TOX: variants seen among roughly 807,000 people sequenced by gnomAD.
The protein encoded by TOX is thymocyte selection-associated high mobility group box protein TOX.
Under a neutral mutation model 53.7 loss-of-function variants are expected in TOX, and 11 were observed. The ratio of observed to expected loss-of-function variants is 0.20; its 90% CI spans 0.13 to 0.34. The LOEUF is 0.34. Ranked by LOEUF, TOX falls within the 10% of genes least tolerant of loss-of-function variation. TOX has a pLI of 1.00. For missense variants in TOX, 570 were observed against 664.6 expected, an observed-to-expected ratio of 0.86 and a Z score of 1.56; for synonymous variants, 225 against 245.3, an observed-to-expected ratio of 0.92 and a Z score of 0.77.
chr8:59,038,336 T>C (rs1563426223), intron 1 of TOX, among the ~76,000 whole-genome samples: 1 of 152,214 alleles, frequency 6.6e-6, no homozygotes, highest in Non-Finnish European at 1.5e-5. Context: ...TATACAAGAC[T>C]AGTAAGGCAG....
chr8:58,867,053 T>C (rs1443690081), intron 3 of TOX, among the ~76,000 whole-genome samples: 3 of 152,216 alleles, frequency 2.0e-5, no homozygotes, highest in African/African-American at 7.2e-5. Context: ...CAAGAAGGAA[T>C]ATCTACCCAG....
intron 2 of TOX, among the ~76,000 whole-genome samples, chr8:58,947,121 C>A (rs1465102551): frequency 6.6e-6 from 1 of 152,078 alleles, no homozygotes; most frequent in Non-Finnish European, 1.5e-5. Flanking sequence ...TTTAACCATG[C>A]TATTCTAAGT....
At chr8:58,947,140 T>C (rs1387334786) in intron 2 of TOX, among the ~76,000 whole-genome samples, 2 of 152,160 alleles carry the variant, frequency 1.3e-5, no homozygotes, top group African/African-American at 2.4e-5. Flanking sequence ...GTTTTAGTCA[T>C]GTAGCATTAT....
chr8:58,999,995 G>T (rs182269731), intron 1 of TOX, among the ~76,000 whole-genome samples: 131 of 152,176 alleles, frequency 8.6e-4, no homozygotes, highest in African/African-American at 2.8e-3. Flanking sequence ...AAATCAAGAC[G>T]GGAGGACCAA....
intron 2 of TOX, among the ~76,000 whole-genome samples, chr8:58,949,301 T>C (rs1280599820): frequency 6.6e-6 from 1 of 152,234 alleles, no homozygotes; most frequent in African/African-American, 2.4e-5. Flanking sequence ...GTTTAAATGG[T>C]TGCATATTGC....
At chr8:59,028,422 C>T (rs776715804) in intron 1 of TOX, among the ~76,000 whole-genome samples, 5 of 152,040 alleles carry the variant, frequency 3.3e-5, no homozygotes, top group African/African-American at 4.8e-5. Flanking sequence ...GTTTCTTAGA[C>T]ATCAAAAATG....
intron 3 of TOX, among the ~76,000 whole-genome samples, chr8:58,920,607 A>G (rs1812050197): frequency 9.2e-6 from 1 of 108,226 alleles, no homozygotes; most frequent in Admixed American, 9.5e-5. Flanking sequence ...ACCTAATGCT[A>G]GATGACACGT....
At chr8:59,047,203 GTTTTTTTTTTTTTTTTT>G (rs10551461) in intron 1 of TOX, among the ~76,000 whole-genome samples, 1 of 44,674 alleles carries the variant, frequency 2.2e-5, no homozygotes, top group Admixed American at 3.5e-4. Flanking sequence ...ACCAAGAATT[GTTTTTTTTTTTTTTTTT>G]TTTTTTTTTT....
intron 1 of TOX, among the ~76,000 whole-genome samples, chr8:59,070,011 G>A (rs1315531053): frequency 6.6e-6 from 1 of 152,096 alleles, no homozygotes; most frequent in Non-Finnish European, 1.5e-5. Flanking sequence ...AAACCTCAAG[G>A]GCAACATGGT....
intron 3 of TOX, among the ~76,000 whole-genome samples, chr8:58,930,547 T>C (rs1238219451): frequency 6.6e-6 from 1 of 152,170 alleles, no homozygotes; most frequent in Non-Finnish European, 1.5e-5. Flanking sequence ...TCTTGACACA[T>C]GAAGCACCAG....
intron 1 of TOX, among the ~76,000 whole-genome samples, chr8:59,089,496 C>T (rs1294690008): frequency 6.6e-6 from 1 of 152,166 alleles, no homozygotes; most frequent in African/African-American, 2.4e-5. Context: ...AGTAACTTCT[C>T]AGATTAAGTG....
intron 1 of TOX, among the ~76,000 whole-genome samples, chr8:59,045,201 G>A (rs920219641): frequency 2.0e-5 from 3 of 150,952 alleles, no homozygotes; most frequent in South Asian, 2.1e-4. Flanking sequence ...TAATTTTTAC[G>A]TCCTTCATTA....
intron 1 of TOX, among the ~76,000 whole-genome samples, chr8:59,014,231 G>T (rs1813967303): frequency 1.3e-5 from 2 of 152,198 alleles, no homozygotes; most frequent in South Asian, 4.1e-4. Flanking sequence ...GGGTACGTAA[G>T]AAATTAATAA....
intron 2 of TOX, among the ~76,000 whole-genome samples, chr8:58,948,683 C>T (rs948630949): frequency 6.6e-6 from 1 of 150,632 alleles, no homozygotes; most frequent in African/African-American, 2.4e-5. Flanking sequence ...CATCATTCAG[C>T]ATATAATTTT....
chr8:59,046,079 T>C (rs1201041701), intron 1 of TOX, among the ~76,000 whole-genome samples: 2 of 152,168 alleles, frequency 1.3e-5, no homozygotes, highest in Non-Finnish European at 1.5e-5. Context: ...GTAATGACTT[T>C]TAGGAAACTA....
intron 8 of TOX, 73 bp from the exon 9 acceptor site, chr8:58,807,856 T>C: frequency 6.3e-7 from 1 of 1,575,740 alleles, no homozygotes; most frequent in African/African-American, 1.3e-5. Flanking sequence ...GGGGGATGGA[T>C]GTCTTTGAAT....
At chr8:58,972,261 G>A (rs1012252972) in intron 1 of TOX, among the ~76,000 whole-genome samples, 1 of 152,060 alleles carries the variant, frequency 6.6e-6, no homozygotes, top group African/African-American at 2.4e-5. Context: ...AGTTATTTCA[G>A]ATTACCTAGG....
chr8:58,987,206 C>T (rs1813348190), intron 1 of TOX, among the ~76,000 whole-genome samples: 1 of 152,126 alleles, frequency 6.6e-6, no homozygotes, highest in Non-Finnish European at 1.5e-5. Context: ...CTTAGTGTTC[C>T]AGATGCATTT....
intron 3 of TOX, among the ~76,000 whole-genome samples, chr8:58,907,453 G>A (rs1372154014): frequency 6.6e-6 from 1 of 152,168 alleles, no homozygotes; most frequent in East Asian, 1.9e-4. Flanking sequence ...AATTAACTGA[G>A]CTGTGATGGC....
Sources: gnomAD v4.1 joint callset for allele counts (sites outside exome capture counted in the v4.1 genomes callset) on GRCh38, gnomAD v4.1.1 for gene constraint, MANE v1.5 for transcripts, NCBI Gene and HGNC (gene_info 2026-07-23, HGNC 2026-07-21) for gene names.